Variants in RBFOX1 observed in about 807,000 individuals in gnomAD.
The protein encoded by RBFOX1 is RNA binding protein fox-1 homolog 1.
In RBFOX1, 8 loss-of-function variants were observed where a neutral mutation model predicts 57.7. The ratio of observed to expected loss-of-function variants is 0.14; its 90% CI spans 0.08 to 0.25. The LOEUF (loss-of-function observed/expected upper bound fraction) is 0.25. RBFOX1 is among the 10% of genes least tolerant of loss of function. The pLI, the probability that RBFOX1 is intolerant of heterozygous loss-of-function variation, is 1.00. For synonymous variants in RBFOX1, 326 were observed against 222.4 expected, an observed-to-expected ratio of 1.47 and a Z score of -4.15; for missense variants, 611 against 548.5, an observed-to-expected ratio of 1.11 and a Z score of -1.14.
chr16:7,343,504 C>T (rs1046660012), intron 4 of RBFOX1, among the ~76,000 whole-genome samples: 6 of 152,138 alleles, frequency 3.9e-5, no homozygotes, highest in Non-Finnish European at 5.9e-5. Flanking sequence ...GCCCTCTGAG[C>T]ACACAGCAGC....
intron 2 of RBFOX1, among the ~76,000 whole-genome samples, chr16:6,367,899 A>C (rs1232594873): frequency 6.6e-6 from 1 of 152,340 alleles, no homozygotes; most frequent in South Asian, 2.1e-4. Context: ...TGTGAAACTC[A>C]AACCCTTGTT....
chr16:6,099,671 T>C (rs1300503114), intron 1 of RBFOX1, among the ~76,000 whole-genome samples: 2 of 152,194 alleles, frequency 1.3e-5, no homozygotes, highest in Admixed American at 1.3e-4. Flanking sequence ...TTTGTGACTG[T>C]CACTTCACAA....
chr16:6,891,629 C>G (rs145148750), intron 3 of RBFOX1, among the ~76,000 whole-genome samples: 2 of 152,190 alleles, frequency 1.3e-5, no homozygotes, highest in African/African-American at 4.8e-5. Context: ...TGGCAGCATT[C>G]CTTTCCTTGC....
chr16:6,930,140 C>G (rs1347493742), intron 3 of RBFOX1, among the ~76,000 whole-genome samples: 1 of 152,084 alleles, frequency 6.6e-6, no homozygotes, highest in Admixed American at 6.5e-5. Context: ...TCAATCTGTG[C>G]TAGGGAAATA....
At chr16:6,884,295 C>A (rs907859529) in intron 3 of RBFOX1, among the ~76,000 whole-genome samples, 1 of 152,150 alleles carries the variant, frequency 6.6e-6, no homozygotes, top group East Asian at 1.9e-4. Context: ...TACTGTGAAG[C>A]AACTGCAGCT....
intron 1 of RBFOX1, among the ~76,000 whole-genome samples, chr16:6,142,195 A>ATGC (rs1352952050): frequency 1.2e-4 from 17 of 147,662 alleles, no homozygotes; most frequent in African/African-American, 4.0e-4. Context: ...GCTGCAAAAA[A>ATGC]AAAAAAAAAA....
intron 4 of RBFOX1, among the ~76,000 whole-genome samples, chr16:7,426,483 G>A (rs1396095164): frequency 6.6e-6 from 1 of 152,332 alleles, no homozygotes; most frequent in African/African-American, 2.4e-5. Flanking sequence ...AACAGCGTGA[G>A]TTCCTGAGCA....
intron 2 of RBFOX1, among the ~76,000 whole-genome samples, chr16:6,406,046 C>T (rs1309118801): frequency 6.6e-6 from 1 of 152,166 alleles, no homozygotes; most frequent in Non-Finnish European, 1.5e-5. Flanking sequence ...TCATTAACAG[C>T]CAATGTCTCA....
At chr16:6,767,527 C>A (rs1036155996) in intron 3 of RBFOX1, among the ~76,000 whole-genome samples, 1 of 152,006 alleles carries the variant, frequency 6.6e-6, no homozygotes, top group South Asian at 2.1e-4. Context: ...AATTTAAAAC[C>A]TCACCCCCAA....
rs555577056 is a variant in RBFOX1, at chr16:5,710,753, C to T, written c.318+111792C>T. Among the ~76,000 whole-genome samples, 194 of 152,222 alleles carry T rather than the reference C, an allele frequency of 1.3e-3. 1 individual carries two copies. The highest frequency in any genetic ancestry group is 4.2e-3 in the South Asian group (20 of 4,818). ...TCTGAAGCAACATGGAGCCTATTAC[C>T]GGCTCTGTGTCCCTGGGGACCCCTG... On this transcript the variant is annotated intron_variant, in intron 3 of 19. Coordinates refer to the RBFOX1 transcript ENST00000641259.
At chr16:5,961,730 G>T (rs1271237237) in intron 4 of RBFOX1, among the ~76,000 whole-genome samples, 1 of 152,022 alleles carries the variant, frequency 6.6e-6, no homozygotes, top group East Asian at 1.9e-4. Flanking sequence ...GTTTTGCTTT[G>T]TTGCCCAGGC....
chr16:6,943,676 C>G (rs908573340), intron 3 of RBFOX1, among the ~76,000 whole-genome samples: 2 of 150,912 alleles, frequency 1.3e-5, no homozygotes, highest in Non-Finnish European at 1.5e-5. Context: ...TCACTGCACT[C>G]CAGCCTGGGC....
chr16:5,948,092 G>A (rs1403223551), intron 4 of RBFOX1, among the ~76,000 whole-genome samples: 1 of 152,164 alleles, frequency 6.6e-6, no homozygotes, highest in African/African-American at 2.4e-5. Context: ...GGCATGGTGA[G>A]TCTATGTTTG....
chr16:7,528,883 A>G (rs906460747), intron 5 of RBFOX1, among the ~76,000 whole-genome samples: 3 of 152,206 alleles, frequency 2.0e-5, no homozygotes, highest in East Asian at 1.9e-4. Flanking sequence ...GAACCTTGCA[A>G]TGCTAGAGCT....
At chr16:5,921,953 A>C (rs1377954244) in intron 4 of RBFOX1, among the ~76,000 whole-genome samples, 1 of 151,902 alleles carries the variant, frequency 6.6e-6, no homozygotes, top group East Asian at 1.9e-4. Flanking sequence ...GGAGTTTGCG[A>C]CTAGCATGAG....
At chr16:7,630,500 C>G in intron 10 of RBFOX1, 103 bp from the exon 11 acceptor site, 2 of 1,554,264 alleles carry the variant, frequency 1.3e-6, no homozygotes, top group Non-Finnish European at 1.7e-6. Context: ...TGGGATGTGG[C>G]TATGTTTTCA....
intron 3 of RBFOX1, among the ~76,000 whole-genome samples, chr16:5,772,733 A>C (rs1311482745): frequency 2.0e-5 from 3 of 152,188 alleles, no homozygotes; most frequent in African/African-American, 7.2e-5. Flanking sequence ...CTGATTGAGG[A>C]GCCAGTATCT....
chr16:5,767,926 C>T (rs1174815147), intron 3 of RBFOX1, among the ~76,000 whole-genome samples: 2 of 150,814 alleles, frequency 1.3e-5, no homozygotes, highest in Admixed American at 6.6e-5. Flanking sequence ...AGTGAAGTCC[C>T]ATTACTTTCT....
intron 2 of RBFOX1, among the ~76,000 whole-genome samples, chr16:6,649,426 T>C (rs1429973939): frequency 6.6e-6 from 1 of 152,188 alleles, no homozygotes; most frequent in Non-Finnish European, 1.5e-5. Context: ...ATGAACAAGT[T>C]CTTCAGTGGT....
Sources: allele counts gnomAD v4.1 joint callset (sites outside exome capture counted in the v4.1 genomes callset), GRCh38; gene constraint gnomAD v4.1.1; transcripts MANE v1.5; gene names NCBI Gene and HGNC (gene_info 2026-07-23, HGNC 2026-07-21).